Variants in TEK observed in about 807,000 individuals in gnomAD.
The protein encoded by TEK is TEK receptor tyrosine kinase, also known as angiopoietin-1 receptor.
TEK carries 43 observed loss-of-function variants against 131.8 expected under a neutral mutation model. That is an observed-to-expected ratio of 0.33 (90% CI 0.26 to 0.42). The LOEUF (loss-of-function observed/expected upper bound fraction) is 0.42, where lower values mean the gene tolerates loss of function less well. Among genes scored for constraint, TEK ranks in the 10% least tolerant of loss-of-function variants. The pLI is 1.00. For synonymous variants in TEK, 580 were observed against 491.6 expected (o/e 1.18, Z -2.38); for missense variants, 1,162 against 1,384.4 (o/e 0.84, Z 2.55).
chr9:27,120,544 A>T (rs572010398), intron 1 of TEK, among the ~76,000 whole-genome samples: 6 of 152,264 alleles, frequency 3.9e-5, no homozygotes, highest in Non-Finnish European at 8.8e-5. Flanking sequence ...CTCTACAAGG[A>T]TGCATTGTCA....
At chr9:27,221,999 G>A (rs1297758711) in intron 21 of TEK, among the ~76,000 whole-genome samples, 1 of 152,208 alleles carries the variant, frequency 6.6e-6, no homozygotes, top group Non-Finnish European at 1.5e-5. Context: ...TTGAAAAAAG[G>A]TTAGATGAAT....
At position 27,192,611 on chromosome 9, in the gene TEK, A is replaced by G; in HGVS notation, c.1612A>G (p.Thr538Ala). Residue 538 changes from threonine (T) to alanine (A), a missense_variant, in exon 11 of 23, where the codon ACA (threonine) becomes GCA (alanine). Transcript: ENST00000380036. ...TCCTGGACCTGTGAGACGCTTCACA[A>G]CAGCTTCTATCGGTCAGTGGAAGCC... Reference protein sequence around the residue: ...GHPGPVRRFTTASIGLPPPRG... With the variant: ...GHPGPVRRFTAASIGLPPPRG... The G allele has an allele frequency of 6.2e-7, 1 of 1,611,272 alleles. No homozygotes were observed. The highest frequency in any genetic ancestry group is 8.5e-7 in the Non-Finnish European group (1 of 1,178,460).
intron 21 of TEK, among the ~76,000 whole-genome samples, chr9:27,223,035 A>T (rs978686246): frequency 6.6e-6 from 1 of 152,212 alleles, no homozygotes; most frequent in Admixed American, 6.5e-5. Flanking sequence ...AGGACATTAC[A>T]TAATGGTAAA....
chr9:27,218,912 T>C (rs1474108231), intron 20 of TEK, 95 bp downstream of exon 20: 6 of 1,193,566 alleles, frequency 5.0e-6, no homozygotes, highest in African/African-American at 4.5e-5. Context: ...AGGATGCCGT[T>C]TGTATGTGGT....
At chr9:27,137,103 A>C (rs1822485516) in intron 1 of TEK, among the ~76,000 whole-genome samples, 1 of 152,062 alleles carries the variant, frequency 6.6e-6, no homozygotes, top group Admixed American at 6.6e-5. Flanking sequence ...TTTTCAGTAG[A>C]GACGGGGTTT....
chr9:27,154,488 G>T (rs905372279), intron 1 of TEK, among the ~76,000 whole-genome samples: 2 of 152,164 alleles, frequency 1.3e-5, no homozygotes, highest in Admixed American at 6.5e-5. Flanking sequence ...GTACACACAA[G>T]CATATAGGGA....
At chr9:27,184,566 A>G (rs1199318069) in intron 8 of TEK, among the ~76,000 whole-genome samples, 1 of 152,188 alleles carries the variant, frequency 6.6e-6, no homozygotes, top group African/African-American at 2.4e-5. Flanking sequence ...GAAGAAGCCA[A>G]TTGATGGCTT....
chr9:27,120,316 C>T (rs758840265), intron 1 of TEK, among the ~76,000 whole-genome samples: 1 of 152,208 alleles, frequency 6.6e-6, no homozygotes, highest in African/African-American at 2.4e-5. Flanking sequence ...TCTAGCATGC[C>T]CTTGTCACCT....
At chr9:27,221,068 G>A (rs1001867477) in intron 21 of TEK, among the ~76,000 whole-genome samples, 19 of 152,182 alleles carry the variant, frequency 1.2e-4, no homozygotes, top group East Asian at 1.9e-4. Context: ...GGGGGAGGAC[G>A]CTCCAGCTTG....
rs1407763523 is a variant in TEK, at chr9:27,204,950, C to T, written c.2249C>T (p.Ala750Val). The T allele has an allele frequency of 9.3e-6, 15 of 1,614,086 alleles. No homozygotes were observed. Among genetic ancestry groups the T allele is most frequent in the Non-Finnish European group, 1.3e-5 (15 of 1,179,932 alleles). Residue 750 changes from alanine to valine, a missense_variant, in exon 14 of 23, where the codon GCC becomes GTC. By Grantham distance (64) the Ala-to-Val change is moderately conservative. Around this residue, in one of 6 missense-constraint regions of TEK, gnomAD observed 477 missense variants for 471.0 expected, o/e 1.01. Coordinates refer to ENST00000380036, the MANE Select transcript of TEK (RefSeq NM_000459.5). Reference protein sequence around the residue: ...DLGGGKMLLIAILGSAGMTCL... With the variant: ...DLGGGKMLLIVILGSAGMTCL... ...GGAGGGGGGAAGATGCTGCTTATAG[C>T]CATCCTTGGCTCTGCTGGAATGACC...
At position 27,185,720 on chromosome 9, in the gene TEK, A is replaced by G. The variant is rs562074235; in HGVS notation, c.1327+91A>G. Reference sequence around the variant, plus strand: ...TAGACAGAAATGTATGCGACCACTAAAATACCTTTGGGGTAATTTCCAGGA... The same window carrying G: ...TAGACAGAAATGTATGCGACCACTAGAATACCTTTGGGGTAATTTCCAGGA... On this transcript the variant is annotated intron_variant, in intron 9 of 22. Transcript: ENST00000380036. 6.5e-6 allele frequency: 10 copies of G among 1,530,892 alleles called. No individual in the cohort carries two copies. In the Admixed American group the frequency reaches 7.2e-5, roughly 11 times the overall value. 94.8% of individuals were successfully genotyped at this position (1,530,892 alleles called of 1,614,324 possible).
At chr9:27,197,705 T>G in intron 12 of TEK, 106 bp downstream of exon 12, 2 of 1,441,616 alleles carry the variant, frequency 1.4e-6, no homozygotes, top group Non-Finnish European at 1.9e-6. Context: ...GAAAGAAAGT[T>G]AGTTGTGAGA....
At chr9:27,182,164 C>G (rs1322633064) in intron 7 of TEK, among the ~76,000 whole-genome samples, 1 of 152,102 alleles carries the variant, frequency 6.6e-6, no homozygotes, top group East Asian at 1.9e-4. Flanking sequence ...CCGTCTGTTC[C>G]CTTCTGCTGA....
intron 8 of TEK, among the ~76,000 whole-genome samples, 154 bp from the exon 9 acceptor site, chr9:27,185,331 T>C (rs1230339900): frequency 6.6e-6 from 1 of 152,214 alleles, no homozygotes; most frequent in African/African-American, 2.4e-5. Context: ...ACAATAGCTT[T>C]GGAAATAAGC....
Position 27,138,238 on chromosome 9 carries a change from G to A in TEK, c.53-19593G>A, listed in dbSNP as rs148230629. 4.1e-3 allele frequency among the ~76,000 whole-genome samples: 628 copies of A among 152,336 alleles called. 3 individuals are homozygous for A. Among genetic ancestry groups the A allele is most frequent in the African/African-American group, 0.014 (598 of 41,570 alleles). On this transcript the variant is annotated intron_variant, in intron 1 of 22. Coordinates refer to ENST00000380036, the MANE Select transcript of TEK (RefSeq NM_000459.5). ...CACAGTGTGGAAGGGGATCTGAGCG[G>A]GTTGCCGCTGCTGGCTCAGGTGGCC...
intron 1 of TEK, among the ~76,000 whole-genome samples, chr9:27,151,188 C>T (rs1175206309): frequency 6.6e-6 from 1 of 152,066 alleles, no homozygotes; most frequent in Non-Finnish European, 1.5e-5. Context: ...GAAGTTATTG[C>T]TCAGAGACTT....
At chr9:27,123,476 T>G (rs576832705) in intron 1 of TEK, among the ~76,000 whole-genome samples, 2 of 152,250 alleles carry the variant, frequency 1.3e-5, no homozygotes, top group Non-Finnish European at 2.9e-5. Flanking sequence ...TACACTGTAA[T>G]GAGGGTAGGT....
chr9:27,190,746 T>A (rs1824787960), intron 10 of TEK, 56 bp downstream of exon 10: 1 of 1,602,806 alleles, frequency 6.2e-7, no homozygotes, highest in Admixed American at 1.7e-5. Flanking sequence ...GAGAATTATT[T>A]TTCTCCAAAT....
intron 2 of TEK, among the ~76,000 whole-genome samples, chr9:27,164,731 T>A (rs1823666468): frequency 6.6e-6 from 1 of 152,164 alleles, no homozygotes; most frequent in Admixed American, 6.5e-5. Context: ...AGCGGGGGTC[T>A]CACTGTGTTG....
Sources: allele counts gnomAD v4.1 joint callset (sites outside exome capture counted in the v4.1 genomes callset), GRCh38; gene constraint gnomAD v4.1.1; regional missense constraint gnomAD v4.1.1; transcripts MANE v1.5; gene names NCBI Gene and HGNC (gene_info 2026-07-23, HGNC 2026-07-21).